NRG2: variants seen among roughly 807,000 people sequenced by gnomAD.
NRG2 encodes the protein neuregulin 2.
A neutral mutation model predicts 73.9 loss-of-function variants in NRG2; 27 were observed. The ratio of observed to expected loss-of-function variants is 0.37; its 90% CI spans 0.27 to 0.50. The LOEUF (loss-of-function observed/expected upper bound fraction) is 0.50, where lower values mean the gene tolerates loss of function less well. Ranked by LOEUF, NRG2 falls within the 20% of genes least tolerant of loss-of-function variation. NRG2 has a pLI of 0.96. For synonymous variants in NRG2, 532 were observed against 541.0 expected, an observed-to-expected ratio of 0.98 and a Z score of 0.23; for missense variants, 1,126 against 1,210.1, an observed-to-expected ratio of 0.93 and a Z score of 1.03.
chr5:139,933,037 G>A (rs887658537), intron 1 of NRG2, among the ~76,000 whole-genome samples: 26 of 152,342 alleles, frequency 1.7e-4, no homozygotes, highest in Admixed American at 1.6e-3. Flanking sequence ...CACTTTGGGA[G>A]GCCAAGGTGG....
rs1761823680 is a variant in NRG2, at chr5:139,856,588, C to G, written c.1190-810G>C. Reference sequence around the variant, plus strand: ...GCCCACCACACCTGCTGGCTGGCCCCTCCTCCCAGCTCAGGGTAAAGTGGA... The same window carrying G: ...GCCCACCACACCTGCTGGCTGGCCCGTCCTCCCAGCTCAGGGTAAAGTGGA... On this transcript the variant is annotated intron_variant, in intron 5 of 9. Transcript: ENST00000361474. This position sits in a 1 kb window ranked among gnomAD's most constrained non-coding sequence, Gnocchi z 4.2. Among the ~76,000 whole-genome samples the G allele has an allele frequency of 6.6e-6, 1 of 152,216 alleles. No homozygotes were observed. Among genetic ancestry groups the G allele is most frequent in the Admixed American group, 6.5e-5 (1 of 15,290 alleles).
At chr5:140,011,189 C>T (rs1759337025) in intron 1 of NRG2, among the ~76,000 whole-genome samples, 1 of 152,238 alleles carries the variant, frequency 6.6e-6, no homozygotes, top group Admixed American at 6.5e-5. Context: ...GCAATAGCAT[C>T]TTTTGCCACT....
intron 1 of NRG2, among the ~76,000 whole-genome samples, chr5:140,007,070 G>C (rs187344630): frequency 1.3e-5 from 2 of 152,218 alleles, no homozygotes; most frequent in East Asian, 3.9e-4. Flanking sequence ...TTTGTTTGTG[G>C]TAACGGGGGA....
intron 1 of NRG2, among the ~76,000 whole-genome samples, chr5:140,009,750 C>T (rs563240141): frequency 6.6e-6 from 1 of 152,202 alleles, no homozygotes; most frequent in Admixed American, 6.5e-5. Flanking sequence ...GTGGTACATC[C>T]AGATAATGGA....
chr5:139,940,416 G>T (rs1753300867), intron 1 of NRG2, among the ~76,000 whole-genome samples: 1 of 152,164 alleles, frequency 6.6e-6, no homozygotes, highest in Non-Finnish European at 1.5e-5. Flanking sequence ...TGGGGCATGA[G>T]AAATTTTTTT....
chr5:139,881,828 T>C (rs1375608012), intron 2 of NRG2, among the ~76,000 whole-genome samples: 1 of 152,220 alleles, frequency 6.6e-6, no homozygotes, highest in African/African-American at 2.4e-5. Flanking sequence ...CTGAGAACTG[T>C]GTAGGGCACC....
At chr5:140,014,685 G>C (rs659886) in intron 1 of NRG2, among the ~76,000 whole-genome samples, 128,188 of 152,184 alleles carry the variant, frequency 0.84, 54,311 homozygotes, top group African/African-American at 0.93. Context: ...CCACCACCAT[G>C]TCTCACCAGA....
intron 1 of NRG2, among the ~76,000 whole-genome samples, chr5:139,909,460 G>A (rs1332327683): frequency 6.6e-6 from 1 of 152,162 alleles, no homozygotes; most frequent in Non-Finnish European, 1.5e-5. Context: ...TTGGGGGAGA[G>A]CTTCAGTGGC....
intron 1 of NRG2, among the ~76,000 whole-genome samples, chr5:139,908,357 C>CA (rs1449463999): frequency 6.6e-6 from 1 of 152,084 alleles, no homozygotes; most frequent in Non-Finnish European, 1.5e-5. Flanking sequence ...GGTCAGCCAT[C>CA]AAATATTTCC....
In NRG2 at chr5:139,871,824, A is replaced by G; in HGVS notation, c.1009T>C (p.Ser337Pro). 1.2e-6 allele frequency: 2 copies of G among 1,614,034 alleles called. No homozygotes were observed. The highest frequency in any genetic ancestry group is 1.7e-6 in the Non-Finnish European group (2 of 1,179,944). ...YVNSVSTTLS[S>P]WSGHARKCNE... is the part of the protein sequence containing the mutation. ...CACTTCCGGGCGTGCCCCGACCAGG[A>G]TGACAGGGTGGTGCTCACTGAGGGT... The change falls in exon 4 of 10, where the codon TCC becomes CCC. Residue 337 changes from serine (S) to proline (P), a missense_variant. Physicochemically the swap from Ser to Pro is moderately conservative, Grantham distance 74. Transcript: ENST00000361474.
At chr5:139,905,711 C>T (rs992412461) in intron 1 of NRG2, among the ~76,000 whole-genome samples, 31 of 152,084 alleles carry the variant, frequency 2.0e-4, no homozygotes, top group Admixed American at 1.4e-3. Context: ...AAGAGACAAC[C>T]CTTGTACCCC....
intron 1 of NRG2, among the ~76,000 whole-genome samples, chr5:139,953,685 G>T (rs1311878824): frequency 2.0e-5 from 3 of 152,194 alleles, no homozygotes; most frequent in Non-Finnish European, 2.9e-5. Flanking sequence ...AGAAGGATTT[G>T]ACCAGATGAT....
intron 2 of NRG2, among the ~76,000 whole-genome samples, chr5:139,882,513 C>A (rs1763585439): frequency 6.6e-6 from 1 of 152,218 alleles, no homozygotes; most frequent in Admixed American, 6.5e-5. Flanking sequence ...CGGCCCACAA[C>A]CCTCTTCTGT....
At chr5:139,978,390 A>G (rs1756533882) in intron 1 of NRG2, among the ~76,000 whole-genome samples, 1 of 152,250 alleles carries the variant, frequency 6.6e-6, no homozygotes, top group Non-Finnish European at 1.5e-5. Context: ...CAAAACCACA[A>G]TGAGATACTA....
intron 1 of NRG2, among the ~76,000 whole-genome samples, chr5:139,964,187 T>C (rs891211034): frequency 1.3e-5 from 2 of 152,084 alleles, no homozygotes; most frequent in African/African-American, 4.8e-5. Context: ...AAAGAATTGA[T>C]GGGAAGAAAA....
intron 5 of NRG2, among the ~76,000 whole-genome samples, chr5:139,864,384 T>C (rs1476599395): frequency 1.4e-5 from 2 of 141,182 alleles, no homozygotes; most frequent in African/African-American, 2.9e-5. Flanking sequence ...TTCTTCTTCT[T>C]CTTTTTTTTT....
At chr5:139,956,532 C>T (rs1484481989) in intron 1 of NRG2, among the ~76,000 whole-genome samples, 2 of 152,142 alleles carry the variant, frequency 1.3e-5, no homozygotes, top group East Asian at 1.9e-4. Flanking sequence ...GCAGGCTTCT[C>T]GAAGGCTTGG....
At chr5:139,918,120 T>G (rs1285471717) in intron 1 of NRG2, among the ~76,000 whole-genome samples, 8 of 152,208 alleles carry the variant, frequency 5.3e-5, no homozygotes, top group Admixed American at 6.5e-5. Context: ...CCCAGCACAA[T>G]TGTGAAAGAG....
At chr5:139,989,017 G>A (rs1757380050) in intron 1 of NRG2, among the ~76,000 whole-genome samples, 1 of 151,946 alleles carries the variant, frequency 6.6e-6, no homozygotes, top group South Asian at 2.1e-4. Context: ...GACATTAATT[G>A]AATTTGTTTG....
Sources: allele counts gnomAD v4.1 joint callset (sites outside exome capture counted in the v4.1 genomes callset), GRCh38; gene constraint gnomAD v4.1.1; non-coding constraint Gnocchi (gnomAD v3.1); transcripts MANE v1.5; gene names NCBI Gene and HGNC (gene_info 2026-07-23, HGNC 2026-07-21).